The following TRPM3 variants were observed in gnomAD, a reference collection of about 807,000 sequenced individuals.
TRPM3 encodes the protein long transient receptor potential channel 3.
Under a neutral mutation model 181.2 loss-of-function variants are expected in TRPM3, and 77 were observed. That is an observed-to-expected ratio of 0.42 (90% CI 0.35 to 0.51). The LOEUF (loss-of-function observed/expected upper bound fraction) is 0.51. Among genes scored for constraint, TRPM3 ranks in the 20% least tolerant of loss-of-function variants. The pLI, the probability that TRPM3 is intolerant of heterozygous loss-of-function variation, is 0.01. For missense variants in TRPM3, 1,759 were observed against 2,196.7 expected, an observed-to-expected ratio of 0.80 and a Z score of 3.98; for synonymous variants, 745 against 796.4, an observed-to-expected ratio of 0.94 and a Z score of 1.09.
intron 9 of TRPM3, among the ~76,000 whole-genome samples, chr9:70,668,752 A>G (rs1293828680): frequency 6.7e-6 from 1 of 149,786 alleles, no homozygotes; most frequent in Non-Finnish European, 1.5e-5. Context: ...ATTTACTGTT[A>G]TATCTATTTT....
Position 71,067,415 on chromosome 9 carries a change from T to C in TRPM3, c.177+53763A>G, listed in dbSNP as rs113495126. Among the ~76,000 whole-genome samples, 560 of 152,306 alleles carry C rather than the reference T, an allele frequency of 3.7e-3. 2 individuals carry two copies. Among genetic ancestry groups the C allele is most frequent in the Non-Finnish European group, 5.9e-3 (404 of 68,020 alleles). On this transcript the variant is annotated intron_variant, in intron 1 of 25. Transcript: ENST00000677713. ...TGGTGTTTCTTCATTTGAGAACTCA[T>C]GTTGAAGTGCAGAAGTTAGCAGGAA...
intron 1 of TRPM3, among the ~76,000 whole-genome samples, chr9:71,276,181 T>C (rs2084199145): frequency 6.6e-6 from 1 of 152,158 alleles, no homozygotes; most frequent in South Asian, 2.1e-4. Context: ...CTGGAACAAC[T>C]GACTACATAC....
rs891074068 is a variant in TRPM3 at position 71,331,957 on chromosome 9, G to C, written c.183+114696C>G. ...GGTGAAGGAGAAGAAGAGAAAGGTG[G>C]AGGAGGGAGGAGGAGGAGAAGGAGG... On this transcript the variant is annotated intron_variant, in intron 1 of 24. Transcript: ENST00000357533. Among the ~76,000 whole-genome samples the C allele has an allele frequency of 9.4e-5, 13 of 137,894 alleles. No homozygotes were observed. The East Asian group carries it at 2.8e-3, about 29-fold the overall frequency. 90.5% of individuals were successfully genotyped at this position (137,894 alleles called of 152,430 possible). A position where few individuals can be genotyped will look rare whatever the true frequency, so the allele number is the denominator to read the frequency against.
chr9:70,831,962 A>AAT (rs71367232), intron 5 of TRPM3, among the ~76,000 whole-genome samples: 2,609 of 63,936 alleles, frequency 0.041, 94 homozygotes, highest in East Asian at 0.21. Flanking sequence ...GTACCCCATA[A>AAT]ATATATATAT....
chr9:70,899,355 C>T (rs1192746070), intron 1 of TRPM3, among the ~76,000 whole-genome samples: 1 of 152,190 alleles, frequency 6.6e-6, no homozygotes, highest in Non-Finnish European at 1.5e-5. Context: ...TATCGTTCAG[C>T]TGCTCCCCAT....
intron 9 of TRPM3, among the ~76,000 whole-genome samples, chr9:70,642,717 T>C (rs1365024093): frequency 6.6e-6 from 1 of 152,256 alleles, no homozygotes; most frequent in Non-Finnish European, 1.5e-5. Context: ...CTCTGGGCTC[T>C]GAGATACTGA....
intron 1 of TRPM3, among the ~76,000 whole-genome samples, chr9:71,316,591 TC>T (rs1339308961): frequency 6.6e-6 from 1 of 152,014 alleles, no homozygotes; most frequent in Non-Finnish European, 1.5e-5. Context: ...AACATTGCTG[TC>T]TTTGAAGATG....
intron 1 of TRPM3, among the ~76,000 whole-genome samples, chr9:71,188,903 T>C (rs953911445): frequency 1.3e-5 from 2 of 152,090 alleles, no homozygotes; most frequent in African/African-American, 4.8e-5. Flanking sequence ...GCATATATAG[T>C]AAATGTGTAA....
upstream of TRPM3, chr9:71,446,953 C>T (rs1460177557): frequency 1.9e-5 from 20 of 1,074,050 alleles, no homozygotes; most frequent in African/African-American, 1.3e-4. Flanking sequence ...CCTTTGCCTC[C>T]GCCGGCTCCT....
chr9:71,263,761 A>C (rs1043713695), intron 1 of TRPM3, among the ~76,000 whole-genome samples: 1 of 152,098 alleles, frequency 6.6e-6, no homozygotes, highest in Non-Finnish European at 1.5e-5. Flanking sequence ...TCAAATACCC[A>C]AACACACCTA....
chr9:70,671,629 G>A (rs1460724896), intron 9 of TRPM3, among the ~76,000 whole-genome samples: 2 of 152,108 alleles, frequency 1.3e-5, no homozygotes, highest in East Asian at 1.9e-4. Flanking sequence ...TTGAGAGAAT[G>A]TCTGAACCCT....
At chr9:71,039,590 G>A (rs983067308) in intron 1 of TRPM3, among the ~76,000 whole-genome samples, 26 of 152,056 alleles carry the variant, frequency 1.7e-4, no homozygotes, top group Admixed American at 6.6e-5. Flanking sequence ...ATAAGCCCTT[G>A]GGCCATCAAC....
rs9776190 is a variant in TRPM3, at chr9:71,282,242, T to C, written c.183+164411A>G. ...GAAAGAAAGAAAGAAAAAGAAAGAATGAAAGAAAGAAAGAAAGGAAAGAAA... is the reference window on the plus strand; with the variant it reads ...GAAAGAAAGAAAGAAAAAGAAAGAACGAAAGAAAGAAAGAAAGGAAAGAAA... On this transcript the variant is annotated intron_variant, in intron 1 of 24. Coordinates refer to the TRPM3 transcript ENST00000357533. 1.5e-3 allele frequency among the ~76,000 whole-genome samples: 26 copies of C among 17,542 alleles called. 2 individuals carry two copies. Among genetic ancestry groups the C allele is most frequent in the African/African-American group, 5.7e-3 (20 of 3,526 alleles). The allele number at this position is 17,542 out of a possible 152,430, so 11.5% of individuals were successfully genotyped here.
chr9:71,117,058 A>G (rs767182734), intron 1 of TRPM3, among the ~76,000 whole-genome samples: 3 of 152,086 alleles, frequency 2.0e-5, no homozygotes, highest in African/African-American at 7.2e-5. Context: ...AAAGATAGAA[A>G]CTCAGAAGTT....
intron 1 of TRPM3, among the ~76,000 whole-genome samples, chr9:70,980,223 A>G (rs1372811992): frequency 2.0e-5 from 3 of 151,956 alleles, no homozygotes; most frequent in Admixed American, 6.6e-5. Flanking sequence ...GATCAGCAAC[A>G]CCTCTTTTCA....
chr9:70,540,339 A>G (rs1228073887), intron 25 of TRPM3, among the ~76,000 whole-genome samples: 2 of 152,134 alleles, frequency 1.3e-5, no homozygotes, highest in Non-Finnish European at 2.9e-5. Flanking sequence ...AGTGTGTACA[A>G]TGTTGGTACT....
intron 1 of TRPM3, among the ~76,000 whole-genome samples, chr9:71,225,982 T>C (rs1299123196): frequency 1.0e-4 from 2 of 19,106 alleles, no homozygotes; most frequent in Admixed American, 1.5e-3. Flanking sequence ...GACAGTACAA[T>C]AAGATATGAA....
intron 22 of TRPM3, among the ~76,000 whole-genome samples, chr9:70,564,836 C>G (rs543098928): frequency 1.6e-4 from 24 of 152,258 alleles, no homozygotes; most frequent in Non-Finnish European, 3.5e-4. Flanking sequence ...TTCAGGAATG[C>G]GTATATAAGC....
chr9:71,120,469 C>A (rs1565240781), intron 1 of TRPM3, among the ~76,000 whole-genome samples: 1 of 152,146 alleles, frequency 6.6e-6, no homozygotes. Context: ...GAAAGAGAAG[C>A]GCTGCAGACA....
Sources: allele counts gnomAD v4.1 joint callset (sites outside exome capture counted in the v4.1 genomes callset), GRCh38; gene constraint gnomAD v4.1.1; transcripts MANE v1.5; gene names NCBI Gene and HGNC (gene_info 2026-07-23, HGNC 2026-07-21).